VTI1A: variants seen among roughly 807,000 people sequenced by gnomAD.
VTI1A encodes vesicle transport through interaction with t-SNAREs homolog 1A.
Under a neutral mutation model 34.9 loss-of-function variants are expected in VTI1A, and 22 were observed. The observed-to-expected ratio is 0.63, with a 90% CI of 0.45 to 0.90. The LOEUF (loss-of-function observed/expected upper bound fraction) is 0.90. Ranked by LOEUF, VTI1A falls within the 40% of genes least tolerant of loss-of-function variation. VTI1A has a pLI of 0.00. For synonymous variants in VTI1A, 87 were observed against 97.3 expected, an observed-to-expected ratio of 0.89 and a Z score of 0.62; for missense variants, 268 against 275.6, an observed-to-expected ratio of 0.97 and a Z score of 0.20.
rs1853592140 is a variant in VTI1A, at chr10:112,818,663, T to G, written c.*3280T>G. ...CATTGCCAGCAACTTGGCGCCTGTT[T>G]AGACGTTTTTATTTTCTTTCATTAT... On this transcript the variant is annotated 3_prime_UTR_variant, in exon 8 of 8. Coordinates refer to ENST00000393077, the MANE Select transcript of VTI1A (RefSeq NM_145206.4). 1.4e-5 allele frequency: 3 copies of G among 214,672 alleles called. No individual in the cohort carries two copies. Among genetic ancestry groups the G allele is most frequent in the Non-Finnish European group, 2.8e-5 (3 of 105,958 alleles). 13.3% of individuals were successfully genotyped at this position (214,672 alleles called of 1,614,324 possible).
rs188544692 is a variant in VTI1A at position 112,818,294 on chromosome 10, A to G, written c.*2911A>G. 1.0e-3 allele frequency: 238 copies of G among 231,712 alleles called. 2 individuals carry two copies. In the East Asian group the frequency reaches 0.014, roughly 14 times the overall value. 14.4% of individuals were successfully genotyped at this position (231,712 alleles called of 1,614,324 possible). A position where few individuals can be genotyped will look rare whatever the true frequency, so the allele number is the denominator to read the frequency against. ...ATTAAGTAAAGAAATAAAGAGGGGG[A>G]AAAAAGCCTGCCTGTTCCAAAAACC... is the stretch of plus-strand genomic sequence containing the variant. On this transcript the variant is annotated 3_prime_UTR_variant, in exon 8 of 8. Coordinates refer to ENST00000393077, the MANE Select transcript of VTI1A (RefSeq NM_145206.4).
chr10:112,853,685 G>GT, the VTI1A span, among the ~76,000 whole-genome samples: 8 of 152,118 alleles, frequency 5.3e-5, no homozygotes, highest in Non-Finnish European at 1.2e-4. Context: ...GGTGAGCAGT[G>GT]TTTTATCCAT....
chr10:112,707,278 C>A (rs1435088392), intron 7 of VTI1A, among the ~76,000 whole-genome samples: 1 of 152,080 alleles, frequency 6.6e-6, no homozygotes, highest in Non-Finnish European at 1.5e-5. Flanking sequence ...AGGTGATCCT[C>A]CCATCTCAGC....
chr10:112,735,307 A>G (rs1240120633), intron 7 of VTI1A, among the ~76,000 whole-genome samples: 1 of 152,244 alleles, frequency 6.6e-6, no homozygotes, highest in Non-Finnish European at 1.5e-5. Flanking sequence ...CAAAACAAAA[A>G]TACAGATGTA....
the VTI1A span, among the ~76,000 whole-genome samples, chr10:112,854,612 G>A: frequency 6.6e-6 from 1 of 152,064 alleles, no homozygotes; most frequent in Non-Finnish European, 1.5e-5. Context: ...CTGTTTCTCA[G>A]TTCCCTCTTA....
chr10:112,676,316 C>G (rs566946643), intron 7 of VTI1A, among the ~76,000 whole-genome samples: 1 of 152,170 alleles, frequency 6.6e-6, no homozygotes, highest in South Asian at 2.1e-4. Context: ...TGCTCTGGTG[C>G]GTTCTGAGTA....
At chr10:112,567,752 G>A (rs1323192548) in intron 5 of VTI1A, among the ~76,000 whole-genome samples, 1 of 152,100 alleles carries the variant, frequency 6.6e-6, no homozygotes, top group Non-Finnish European at 1.5e-5. Context: ...TGCTATATTG[G>A]TGACCTGTTC....
At chr10:112,495,375 C>CAA (rs1271230588) in intron 3 of VTI1A, among the ~76,000 whole-genome samples, 1 of 151,982 alleles carries the variant, frequency 6.6e-6, no homozygotes, top group African/African-American at 2.4e-5. Flanking sequence ...GAGAGGGATT[C>CAA]TTTAATTCAA....
intron 4 of VTI1A, among the ~76,000 whole-genome samples, chr10:112,536,143 A>G (rs1271381076): frequency 6.6e-6 from 1 of 152,222 alleles, no homozygotes; most frequent in Admixed American, 6.5e-5. Context: ...CATTTCCAGT[A>G]TTGATCTTTG....
At chr10:112,819,393 G>A (rs796241373), downstream of VTI1A, among the ~76,000 whole-genome samples, 5 of 152,202 alleles carry the variant, frequency 3.3e-5, no homozygotes, top group African/African-American at 1.2e-4. Context: ...GGTTTCAGAG[G>A]AACCACCGTG....
chr10:112,600,967 A>G (rs1293279826), intron 5 of VTI1A, among the ~76,000 whole-genome samples: 1 of 152,220 alleles, frequency 6.6e-6, no homozygotes, highest in African/African-American at 2.4e-5. Context: ...GGCATTTACA[A>G]TCTAGTAAAG....
chr10:112,680,859 C>A (rs1187095729), intron 7 of VTI1A, among the ~76,000 whole-genome samples: 2 of 152,106 alleles, frequency 1.3e-5, no homozygotes, highest in Non-Finnish European at 2.9e-5. Flanking sequence ...CTTCTCATGG[C>A]AGCTTCAAGG....
At chr10:112,590,608 G>C (rs946941388) in intron 5 of VTI1A, among the ~76,000 whole-genome samples, 1 of 152,084 alleles carries the variant, frequency 6.6e-6, no homozygotes, top group Non-Finnish European at 1.5e-5. Flanking sequence ...TTTGAGCCTA[G>C]GAGGTCGAGG....
chr10:112,512,818 A>C (rs1260520227), intron 3 of VTI1A, among the ~76,000 whole-genome samples: 1 of 151,996 alleles, frequency 6.6e-6, no homozygotes, highest in East Asian at 1.9e-4. Flanking sequence ...CTCCAGTGTA[A>C]GTTCTTGTGG....
At chr10:112,738,444 C>T (rs999385220) in intron 7 of VTI1A, among the ~76,000 whole-genome samples, 14 of 152,236 alleles carry the variant, frequency 9.2e-5, no homozygotes, top group East Asian at 1.9e-4. Flanking sequence ...TCCTTGAGGA[C>T]GGGGAGTGTG....
intron 5 of VTI1A, among the ~76,000 whole-genome samples, chr10:112,615,120 A>G (rs1369510278): frequency 6.6e-6 from 1 of 152,222 alleles, no homozygotes; most frequent in Non-Finnish European, 1.5e-5. Flanking sequence ...GCAATGGGTT[A>G]AGGATTTCCA....
chr10:112,647,638 T>C (rs1041178549), intron 5 of VTI1A, among the ~76,000 whole-genome samples: 1 of 152,232 alleles, frequency 6.6e-6, no homozygotes, highest in African/African-American at 2.4e-5. Flanking sequence ...ATTAAAGTTG[T>C]CAAGACTAAA....
chr10:112,722,185 C>T (rs1471764902), intron 7 of VTI1A, among the ~76,000 whole-genome samples: 1 of 152,176 alleles, frequency 6.6e-6, no homozygotes, highest in Non-Finnish European at 1.5e-5. Context: ...GTTAGAACAG[C>T]TGTTCCCATC....
chr10:112,714,445 ACTG>A (rs1406079474), intron 7 of VTI1A, among the ~76,000 whole-genome samples: 11 of 152,170 alleles, frequency 7.2e-5, no homozygotes, highest in African/African-American at 2.2e-4. Flanking sequence ...TGCTTTCTTT[ACTG>A]CTATAAACCC....
Sources: gnomAD v4.1 joint callset for allele counts (sites outside exome capture counted in the v4.1 genomes callset) on GRCh38, gnomAD v4.1.1 for gene constraint, MANE v1.5 for transcripts, NCBI Gene and HGNC (gene_info 2026-07-23, HGNC 2026-07-21) for gene names.